The following GPM6A variants were observed in gnomAD, a reference collection of about 807,000 sequenced individuals.
GPM6A encodes the protein glycoprotein M6A.
In GPM6A, 7 loss-of-function variants were observed where a neutral mutation model predicts 32.1. The ratio of observed to expected loss-of-function variants is 0.22; its 90% CI spans 0.12 to 0.41. GPM6A has a LOEUF of 0.41. Ranked by LOEUF, GPM6A falls within the 10% of genes least tolerant of loss-of-function variation. The pLI, the probability that GPM6A is intolerant of heterozygous loss-of-function variation, is 1.00. For synonymous variants in GPM6A, 130 were observed against 123.4 expected (o/e 1.05, Z -0.35); for missense variants, 235 against 347.2 (o/e 0.68, Z 2.57).
At chr4:175,725,832 G>C (rs1312492417) in intron 1 of GPM6A, among the ~76,000 whole-genome samples, 1 of 152,034 alleles carries the variant, frequency 6.6e-6, no homozygotes, top group Non-Finnish European at 1.5e-5. Context: ...TACATGAAAT[G>C]AATGCTTTGC....
At chr4:175,703,319 A>G (rs13124321) in intron 1 of GPM6A, among the ~76,000 whole-genome samples, 69,827 of 151,652 alleles carry the variant, frequency 0.46, 16,281 homozygotes, top group East Asian at 0.62. Context: ...CTACTGGCGC[A>G]CGTCACCACA....
chr4:175,989,031 G>C (rs1250542963), intron 1 of GPM6A, among the ~76,000 whole-genome samples: 1 of 152,094 alleles, frequency 6.6e-6, no homozygotes, highest in African/African-American at 2.4e-5. Flanking sequence ...GGAGGAATTG[G>C]AAGATCATAT....
At chr4:175,756,080 G>A (rs2111198438) in intron 1 of GPM6A, among the ~76,000 whole-genome samples, 1 of 152,268 alleles carries the variant, frequency 6.6e-6, no homozygotes, top group East Asian at 1.9e-4. Context: ...AAGGTCTGAT[G>A]TGTTAGGAAT....
chr4:175,636,990 A>T (rs896780057), intron 6 of GPM6A, among the ~76,000 whole-genome samples: 18 of 138,032 alleles, frequency 1.3e-4, no homozygotes, highest in Admixed American at 7.9e-5. Context: ...AAATATATAT[A>T]AGATAAAAAA....
chr4:175,819,950 C>T (rs974368728), intron 1 of GPM6A, among the ~76,000 whole-genome samples: 3 of 152,176 alleles, frequency 2.0e-5, no homozygotes, highest in Non-Finnish European at 2.9e-5. Context: ...AATATTAATA[C>T]TCAGTTTAAA....
chr4:175,885,394 C>G (rs1437853529), intron 1 of GPM6A, among the ~76,000 whole-genome samples: 1 of 152,164 alleles, frequency 6.6e-6, no homozygotes, highest in Non-Finnish European at 1.5e-5. Flanking sequence ...TGAGGGACAC[C>G]TCTTGCTGGA....
At chr4:175,793,637 A>G (rs961301753) in intron 1 of GPM6A, among the ~76,000 whole-genome samples, 1 of 152,118 alleles carries the variant, frequency 6.6e-6, no homozygotes, top group African/African-American at 2.4e-5. Context: ...CGGCCTCCCA[A>G]ATTGCTGGGA....
At chr4:175,809,888 A>C (rs1319084084) in intron 1 of GPM6A, among the ~76,000 whole-genome samples, 1 of 152,244 alleles carries the variant, frequency 6.6e-6, no homozygotes, top group Non-Finnish European at 1.5e-5. Flanking sequence ...GCAAGGTCAT[A>C]TGAGTAAACA....
rs544216552 is a variant in GPM6A, at chr4:175,931,441, A to G, written c.-23+70868T>C. Among the ~76,000 whole-genome samples the G allele has an allele frequency of 8.5e-5, 13 of 152,240 alleles. 1 individual carries two copies. The South Asian group carries it at 2.7e-3, about 32-fold the overall frequency. ...CCATATTTTGAATTCTAAATATATT[A>G]TAGATGATAACTCAGATGACTTGTA... is the stretch of plus-strand genomic sequence containing the variant. On this transcript the variant is annotated intron_variant, in intron 1 of 7. Transcript: ENST00000280187.
intron 1 of GPM6A, among the ~76,000 whole-genome samples, chr4:175,912,136 TAAACAAGTAAAC>T (rs563416423): frequency 3.2e-4 from 49 of 152,204 alleles, no homozygotes; most frequent in African/African-American, 1.2e-3. Flanking sequence ...GAAATAAAAA[TAAACAAGTAAAC>T]AAATTGAGTT....
intron 1 of GPM6A, among the ~76,000 whole-genome samples, chr4:175,857,746 A>C (rs1736458456): frequency 6.6e-6 from 1 of 152,116 alleles, no homozygotes. Flanking sequence ...AAAAGAAAAA[A>C]AAAGCTAAAT....
chr4:175,694,126 G>A (rs1018473559), intron 2 of GPM6A, among the ~76,000 whole-genome samples: 1 of 152,180 alleles, frequency 6.6e-6, no homozygotes, highest in Non-Finnish European at 1.5e-5. Flanking sequence ...GCAGAACTGT[G>A]AGTCAATTAA....
intron 1 of GPM6A, among the ~76,000 whole-genome samples, chr4:175,746,815 C>A (rs1466571319): frequency 6.6e-6 from 1 of 152,074 alleles, no homozygotes; most frequent in Non-Finnish European, 1.5e-5. Context: ...GTGTTTATCT[C>A]TGTGGATTAT....
At chr4:175,637,558 AAAAATATATTATATATTATAT>A (rs1295395101) in intron 6 of GPM6A, among the ~76,000 whole-genome samples, 5 of 94,658 alleles carry the variant, frequency 5.3e-5, no homozygotes, top group African/African-American at 1.7e-4. Context: ...TATATTATAT[AAAAATATATTATATATTATAT>A]AAAATATATT....
chr4:175,720,040 A>T (rs1414630406), intron 1 of GPM6A, among the ~76,000 whole-genome samples: 1 of 152,178 alleles, frequency 6.6e-6, no homozygotes, highest in Non-Finnish European at 1.5e-5. Context: ...CAAAATACGG[A>T]TGCACTGTTT....
chr4:175,956,672 A>C (rs1401173357), intron 1 of GPM6A, among the ~76,000 whole-genome samples: 4 of 151,710 alleles, frequency 2.6e-5, no homozygotes, highest in African/African-American at 9.8e-5. Flanking sequence ...ATTGGAAGGT[A>C]CAAAAGAAAG....
intron 6 of GPM6A, 75 bp from the exon 7 acceptor site, chr4:175,635,132 G>A: frequency 1.8e-6 from 2 of 1,119,262 alleles, no homozygotes; most frequent in African/African-American, 1.6e-5. Context: ...CTCGAAAGAA[G>A]TCTTCGAATT....
At chr4:175,764,968 G>A (rs1309273357) in intron 1 of GPM6A, among the ~76,000 whole-genome samples, 3 of 151,560 alleles carry the variant, frequency 2.0e-5, no homozygotes, top group East Asian at 3.9e-4. Context: ...CTGCCTCCCG[G>A]GTTCAAGTGA....
chr4:175,649,405 A>T (rs956240448), intron 4 of GPM6A, among the ~76,000 whole-genome samples: 2 of 152,216 alleles, frequency 1.3e-5, no homozygotes, highest in Non-Finnish European at 2.9e-5. Flanking sequence ...AGGTCTATTT[A>T]TCTTTTACAA....
Sources: gnomAD v4.1 joint callset for allele counts (sites outside exome capture counted in the v4.1 genomes callset) on GRCh38, gnomAD v4.1.1 for gene constraint, MANE v1.5 for transcripts, NCBI Gene and HGNC (gene_info 2026-07-23, HGNC 2026-07-21) for gene names.